Variants in ZFHX3 observed in about 807,000 individuals in gnomAD.
ZFHX3 encodes the protein zinc finger homeobox protein 3.
In ZFHX3, 42 loss-of-function variants were observed where a neutral mutation model predicts 279.1. The observed-to-expected ratio is 0.15, with a 90% CI of 0.12 to 0.19. The LOEUF is 0.19. ZFHX3 is among the 10% of genes least tolerant of loss of function. The probability of loss-of-function intolerance (pLI) is 1.00; values close to 1 mark genes in which losing one functional copy is unlikely to be tolerated. For missense variants in ZFHX3, 4,981 were observed against 4,754.0 expected (o/e 1.05, Z -1.40); for synonymous variants, 2,293 against 1,957.8 (o/e 1.17, Z -4.52).
intron 1 of ZFHX3, among the ~76,000 whole-genome samples, chr16:73,055,698 G>GCGCA (rs869144632): frequency 0.011 from 1,212 of 109,390 alleles, 17 homozygotes; most frequent in African/African-American, 0.033. Flanking sequence ...GCGCGCGCGC[G>GCGCA]CACACACACA....
intron 5 of ZFHX3, among the ~76,000 whole-genome samples, chr16:72,814,798 C>T (rs1457284771): frequency 6.6e-6 from 1 of 152,204 alleles, no homozygotes; most frequent in Non-Finnish European, 1.5e-5. Flanking sequence ...GGTGCACAAA[C>T]TTCAGGTTCA....
At chr16:72,964,661 G>T (rs1474982600) in intron 1 of ZFHX3, among the ~76,000 whole-genome samples, 3 of 109,372 alleles carry the variant, frequency 2.7e-5, no homozygotes, top group Non-Finnish European at 5.6e-5. Context: ...ATGAGACTTG[G>T]TCTATTTAAA....
intron 1 of ZFHX3, among the ~76,000 whole-genome samples, chr16:73,013,391 G>A (rs905315613): frequency 3.3e-5 from 5 of 152,022 alleles, no homozygotes; most frequent in Admixed American, 2.0e-4. Context: ...TGGCTCAAGC[G>A]ATCCTCCCAC....
At chr16:73,403,203 G>A (rs2017292682) in intron 3 of ZFHX3, among the ~76,000 whole-genome samples, 1 of 152,224 alleles carries the variant, frequency 6.6e-6, no homozygotes, top group South Asian at 2.1e-4. Context: ...ATCCGTTGCA[G>A]TAATTGGTTT....
intron 2 of ZFHX3, among the ~76,000 whole-genome samples, chr16:73,561,938 C>T (rs1596999589): frequency 6.6e-6 from 1 of 152,014 alleles, no homozygotes; most frequent in African/African-American, 2.4e-5. Flanking sequence ...AATGAAAAAC[C>T]TGAATGCACC....
At chr16:72,909,686 G>A (rs2039271047) in intron 3 of ZFHX3, among the ~76,000 whole-genome samples, 1 of 151,990 alleles carries the variant, frequency 6.6e-6, no homozygotes, top group Non-Finnish European at 1.5e-5. Flanking sequence ...AGACCAGCCT[G>A]GGCAACGTGG....
chr16:73,124,020 T>C (rs994931744), intron 7 of ZFHX3, among the ~76,000 whole-genome samples: 14 of 152,170 alleles, frequency 9.2e-5, no homozygotes, highest in Non-Finnish European at 1.5e-4. Context: ...GCAGTACAGA[T>C]GGACTAAGAC....
At chr16:73,152,484 G>C (rs1966966640) in intron 5 of ZFHX3, among the ~76,000 whole-genome samples, 1 of 152,084 alleles carries the variant, frequency 6.6e-6, no homozygotes, top group Non-Finnish European at 1.5e-5. Flanking sequence ...CCATTTCAAG[G>C]AACATTTTCA....
chr16:73,488,300 T>A (rs1023646680), intron 2 of ZFHX3, among the ~76,000 whole-genome samples: 7 of 151,960 alleles, frequency 4.6e-5, no homozygotes, highest in African/African-American at 2.4e-5. Flanking sequence ...GCCATATGGG[T>A]GGCAAAGGAA....
At chr16:73,503,297 C>T (rs564399157) in intron 2 of ZFHX3, among the ~76,000 whole-genome samples, 29 of 152,236 alleles carry the variant, frequency 1.9e-4, no homozygotes, top group Admixed American at 5.2e-4. Flanking sequence ...CATTTGCAGC[C>T]CAGGGTAAAT....
chr16:72,922,262 C>A (rs2039604371), intron 3 of ZFHX3, among the ~76,000 whole-genome samples: 1 of 152,196 alleles, frequency 6.6e-6, no homozygotes, highest in African/African-American at 2.4e-5. Context: ...CTGCAACTCG[C>A]CCCTCTGGTT....
rs370316258 is a variant in ZFHX3 at position 73,861,944 on chromosome 16, C to A, written c.-1608+29707G>T. Among the ~76,000 whole-genome samples, 33 of 152,270 alleles carry A rather than the reference C, an allele frequency of 2.2e-4. 3 individuals carry two copies. Among genetic ancestry groups the A allele is most frequent in the Admixed American group, 1.6e-3 (24 of 15,302 alleles). On this transcript the variant is annotated intron_variant, in intron 1 of 17. Coordinates refer to the ZFHX3 transcript ENST00000641206. ...GTTTTGTCGAGAGGACTTCTGCAGT[C>A]GTCACATCTCAAAATCTCTGGAAGC...
At chr16:73,071,599 G>A (rs1206309872) in intron 8 of ZFHX3, among the ~76,000 whole-genome samples, 6 of 152,222 alleles carry the variant, frequency 3.9e-5, no homozygotes, top group African/African-American at 7.2e-5. Flanking sequence ...GAGGAGGGGA[G>A]GAGTGGCAGT....
rs929826536 is a variant in ZFHX3 at position 72,860,170 on chromosome 16, C to T, written c.3448+29561G>A. ...AGATCCAGATTCCCATCTAGAAAAA[C>T]GGCTTTCTGTTTAGAGCAGGGAGGA... On this transcript the variant is annotated intron_variant, in intron 4 of 9. Coordinates refer to ENST00000268489, the MANE Select transcript of ZFHX3 (RefSeq NM_006885.4). Among the ~76,000 whole-genome samples, 9 of 152,084 alleles carry T rather than the reference C, an allele frequency of 5.9e-5. No homozygotes were observed. The South Asian group carries it at 6.2e-4, about 11-fold the overall frequency.
intron 1 of ZFHX3, among the ~76,000 whole-genome samples, chr16:73,057,616 C>T (rs1444521000): frequency 6.6e-6 from 1 of 151,596 alleles, no homozygotes; most frequent in East Asian, 1.9e-4. Context: ...GCTCAGCTGG[C>T]GGAAGAAGGC....
At chr16:73,831,686 C>G (rs1961001395) in intron 1 of ZFHX3, among the ~76,000 whole-genome samples, 1 of 152,106 alleles carries the variant, frequency 6.6e-6, no homozygotes, top group South Asian at 2.1e-4. Context: ...ACTCTGCCAC[C>G]AAGAATGATT....
chr16:73,762,275 G>A (rs140206613), intron 1 of ZFHX3, among the ~76,000 whole-genome samples: 2,351 of 151,944 alleles, frequency 0.015, 64 homozygotes, highest in African/African-American at 0.052. Flanking sequence ...AATCAAAACC[G>A]CAATGAGATA....
intron 3 of ZFHX3, among the ~76,000 whole-genome samples, chr16:72,939,158 T>A (rs1280779879): frequency 6.6e-6 from 1 of 152,084 alleles, no homozygotes; most frequent in Non-Finnish European, 1.5e-5. Flanking sequence ...GCACAGGAGC[T>A]ATGGGAGGAC....
At chr16:73,419,573 C>T (rs1316969558) in intron 3 of ZFHX3, among the ~76,000 whole-genome samples, 1 of 151,986 alleles carries the variant, frequency 6.6e-6, no homozygotes, top group Admixed American at 6.6e-5. Flanking sequence ...AATGTGGTTC[C>T]CTCAGTCTTC....
Sources: gnomAD v4.1 joint callset for allele counts (sites outside exome capture counted in the v4.1 genomes callset) on GRCh38, gnomAD v4.1.1 for gene constraint, MANE v1.5 for transcripts, NCBI Gene and HGNC (gene_info 2026-07-23, HGNC 2026-07-21) for gene names.